TRIM54: variants seen among roughly 807,000 people sequenced by gnomAD.
The protein encoded by TRIM54 is tripartite motif-containing protein 54.
In TRIM54, 40 loss-of-function variants were observed where a neutral mutation model predicts 42.0. The ratio of observed to expected loss-of-function variants is 0.95; its 90% CI spans 0.74 to 1.24. TRIM54 has a LOEUF of 1.24. Among genes scored for constraint, TRIM54 ranks in the 50% most tolerant of loss-of-function variants. The pLI, the probability that TRIM54 is intolerant of heterozygous loss-of-function variation, is 0.00. For missense variants in TRIM54, 485 were observed against 480.3 expected, an observed-to-expected ratio of 1.01 and a Z score of -0.09; for synonymous variants, 199 against 194.9, an observed-to-expected ratio of 1.02 and a Z score of -0.17.
chr2:27,295,263 G>T (rs1678833922), intron 1 of TRIM54, among the ~76,000 whole-genome samples: 1 of 151,898 alleles, frequency 6.6e-6, no homozygotes, highest in Non-Finnish European at 1.5e-5. Flanking sequence ...ATACAACAAT[G>T]TCTGGAAAAC....
chr2:27,288,811 T>C (rs1572518781), intron 1 of TRIM54, among the ~76,000 whole-genome samples: 1 of 152,228 alleles, frequency 6.6e-6, no homozygotes, highest in East Asian at 1.9e-4. Flanking sequence ...TTCTGTTATG[T>C]TTCCTAGAGT....
intron 1 of TRIM54, among the ~76,000 whole-genome samples, chr2:27,297,216 G>A (rs920069983): frequency 1.3e-5 from 2 of 152,200 alleles, no homozygotes; most frequent in African/African-American, 4.8e-5. Flanking sequence ...TCTCTGTTCA[G>A]TTTCTGACCC....
At chr2:27,286,704 C>G (rs141277316) in intron 1 of TRIM54, among the ~76,000 whole-genome samples, 1 of 152,306 alleles carries the variant, frequency 6.6e-6, no homozygotes, top group East Asian at 1.9e-4. Flanking sequence ...AACAGCTTTT[C>G]TGGAGGAGGT....
intron 2 of TRIM54, 88 bp from the exon 3 acceptor site, chr2:27,299,157 G>C: frequency 2.7e-6 from 4 of 1,467,328 alleles, no homozygotes; most frequent in African/African-American, 1.4e-5. Context: ...GGCGGAGAAG[G>C]TGGTGGCAGT....
chr2:27,287,316 C>G (rs1163762105), intron 1 of TRIM54, among the ~76,000 whole-genome samples: 1 of 152,136 alleles, frequency 6.6e-6, no homozygotes, highest in Non-Finnish European at 1.5e-5. Flanking sequence ...ATCCCTCCTA[C>G]CTCAGCCCCC....
intron 1 of TRIM54, among the ~76,000 whole-genome samples, chr2:27,294,328 C>T (rs776451441): frequency 6.6e-6 from 1 of 151,904 alleles, no homozygotes; most frequent in Non-Finnish European, 1.5e-5. Context: ...ACTGTACTGC[C>T]CAGGCTGGTC....
intron 2 of TRIM54, 118 bp downstream of exon 2, chr2:27,298,857 C>T (rs1678945737): frequency 8.8e-7 from 1 of 1,136,162 alleles, no homozygotes; most frequent in Admixed American, 2.4e-5. Context: ...GTCTAGAGAC[C>T]ATAGGACTGG....
chr2:27,287,026 G>A (rs78070180), intron 1 of TRIM54, among the ~76,000 whole-genome samples: 4,451 of 152,220 alleles, frequency 0.029, 205 homozygotes, highest in African/African-American at 0.1. Context: ...AGCAGGGTTA[G>A]GGCTCTTACT....
In TRIM54 at chr2:27,287,207, C is replaced by G. The variant is rs560730747; in HGVS notation, c.168+4308C>G. 1.5e-4 allele frequency among the ~76,000 whole-genome samples: 23 copies of G among 152,048 alleles called. No homozygotes were observed. The South Asian group carries it at 4.8e-3, about 32-fold the overall frequency. On this transcript the variant is annotated intron_variant, in intron 1 of 8. Transcript: ENST00000380075. ...TATAAATGAAAAGGGTGTTTTCTTT[C>G]TTTCTTTATTTTTGAGACAGGGTCT...
At chr2:27,303,601 C>T (rs976507432) in intron 3 of TRIM54, among the ~76,000 whole-genome samples, 2 of 151,212 alleles carry the variant, frequency 1.3e-5, no homozygotes, top group Non-Finnish European at 2.9e-5. Context: ...ATCCTAGGAG[C>T]TAAAGCAGTA....
intron 2 of TRIM54, 49 bp from the exon 3 acceptor site, chr2:27,299,196 A>G (rs1341515552): frequency 1.1e-5 from 17 of 1,601,186 alleles, no homozygotes; most frequent in Non-Finnish European, 1.1e-5. Flanking sequence ...AGGTATTCCT[A>G]GGACCCTTCA....
Position 27,282,645 on chromosome 2 carries a change from T to TC in TRIM54, c.-85dup. ...TTCAAGAGTGAGCCACAGAAGGGAA[T>TC]CCAGAGGCCATCTAAGCGAGGAAGG... On this transcript the variant is annotated 5_prime_UTR_variant, in exon 1 of 9. Coordinates refer to ENST00000380075, the MANE Select transcript of TRIM54 (RefSeq NM_187841.3). 7.0e-7 allele frequency: 1 copy of TC among 1,429,162 alleles called. No homozygotes were observed. Among genetic ancestry groups the TC allele is most frequent in the Non-Finnish European group, 9.4e-7 (1 of 1,064,298 alleles). The allele number at this position is 1,429,162 out of a possible 1,614,324, so 88.5% of individuals were successfully genotyped here.
rs753123755 is a variant in TRIM54, at chr2:27,304,926, C to T, written c.514-33C>T. 1.1e-5 allele frequency: 17 copies of T among 1,602,474 alleles called. No homozygotes were observed. In the South Asian group the frequency reaches 1.8e-4, roughly 17 times the overall value. On this transcript the variant is annotated intron_variant, in intron 3 of 8. Coordinates refer to ENST00000380075, the MANE Select transcript of TRIM54 (RefSeq NM_187841.3). ...GAGGGGTGTAGCTCTAGGCCAGGTCCCAGCTCTGAGTGCTGACCTGTGTGT... is the reference window on the plus strand; with the variant it reads ...GAGGGGTGTAGCTCTAGGCCAGGTCTCAGCTCTGAGTGCTGACCTGTGTGT...
chr2:27,305,814 C>T lies in TRIM54; in HGVS notation c.840C>T (p.Leu280=), dbSNP rs1336813573. The T allele has an allele frequency of 6.3e-7, 1 of 1,594,892 alleles. No individual in the cohort carries two copies. The highest frequency in any genetic ancestry group is 8.5e-7 in the Non-Finnish European group (1 of 1,170,740). The change falls in exon 5 of 9, where the codon CTC becomes CTT. Residue 280 remains leucine (L), a synonymous_variant. Coordinates refer to ENST00000380075, the MANE Select transcript of TRIM54 (RefSeq NM_187841.3). The part of the protein sequence containing the change: ...SMEEPQMALY[L]QQAKELINKV... ...AAGAGCCACAAATGGCGCTGTATCT[C>T]CAGGTGGGCTCTAGGGGAGGGTGGC...
intron 3 of TRIM54, among the ~76,000 whole-genome samples, chr2:27,300,584 C>G (rs1679006551): frequency 6.6e-6 from 1 of 151,616 alleles, no homozygotes; most frequent in African/African-American, 2.4e-5. Flanking sequence ...AGTAGTAGTA[C>G]TAATAATAAT....
At chr2:27,291,528 T>G (rs1342736505) in intron 1 of TRIM54, among the ~76,000 whole-genome samples, 1 of 152,094 alleles carries the variant, frequency 6.6e-6, no homozygotes, top group East Asian at 1.9e-4. Flanking sequence ...CCATACCACC[T>G]CCAATCTTCA....
Position 27,282,585 on chromosome 2 carries a change from A to G in TRIM54, c.-147A>G. The G allele has an allele frequency of 4.9e-6, 4 of 818,958 alleles. No homozygotes were observed. Among genetic ancestry groups the G allele is most frequent in the Non-Finnish European group, 7.4e-6 (4 of 539,490 alleles). 50.7% of individuals were successfully genotyped at this position (818,958 alleles called of 1,614,324 possible). A position where few individuals can be genotyped will look rare whatever the true frequency, so the allele number is the denominator to read the frequency against. On this transcript the variant is annotated 5_prime_UTR_variant, in exon 1 of 9. Coordinates refer to ENST00000380075, the MANE Select transcript of TRIM54 (RefSeq NM_187841.3). The stretch of plus-strand genomic sequence containing the variant: ...GAAGACTGCTATCTGGGACGAGACA[A>G]GTTGTTAAAGGGACAGGAGAGAAAG...
intron 1 of TRIM54, among the ~76,000 whole-genome samples, chr2:27,293,773 G>C (rs1678787370): frequency 6.6e-6 from 1 of 152,144 alleles, no homozygotes; most frequent in Non-Finnish European, 1.5e-5. Flanking sequence ...TGTAATCCCA[G>C]CACTTTGGGA....
intron 1 of TRIM54, among the ~76,000 whole-genome samples, chr2:27,297,404 T>G (rs756639974): frequency 7.2e-5 from 11 of 152,192 alleles, no homozygotes; most frequent in Non-Finnish European, 1.5e-4. Context: ...TAGCTCTGAA[T>G]CAATCATCTG....
Sources: gnomAD v4.1 joint callset for allele counts (sites outside exome capture counted in the v4.1 genomes callset) on GRCh38, gnomAD v4.1.1 for gene constraint, MANE v1.5 for transcripts, NCBI Gene and HGNC (gene_info 2026-07-23, HGNC 2026-07-21) for gene names.